The following ADGRL3 variants were observed in gnomAD, a reference collection of about 807,000 sequenced individuals.
ADGRL3 encodes adhesion G protein-coupled receptor L3.
Under a neutral mutation model 153.5 loss-of-function variants are expected in ADGRL3, and 62 were observed. That is an observed-to-expected ratio of 0.40 (90% CI 0.33 to 0.50). The LOEUF (loss-of-function observed/expected upper bound fraction) is 0.50, where lower values mean the gene tolerates loss of function less well. Among genes scored for constraint, ADGRL3 ranks in the 20% least tolerant of loss-of-function variants. The probability of loss-of-function intolerance (pLI) is 0.47; values close to 1 mark genes in which losing one functional copy is unlikely to be tolerated. For missense variants in ADGRL3, 1,641 were observed against 1,859.4 expected (o/e 0.88, Z 2.16); for synonymous variants, 710 against 672.5 (o/e 1.06, Z -0.86).
chr4:61,863,339 G>A (rs368441464), intron 9 of ADGRL3, among the ~76,000 whole-genome samples: 1 of 139,028 alleles, frequency 7.2e-6, no homozygotes, highest in East Asian at 2.3e-4. Flanking sequence ...CCGGGTTCAC[G>A]CCATTCTCCT....
intron 8 of ADGRL3, among the ~76,000 whole-genome samples, chr4:61,778,127 T>C: frequency 6.6e-6 from 1 of 152,214 alleles, no homozygotes; most frequent in East Asian, 1.9e-4. Flanking sequence ...ATGCACAAAA[T>C]TGTTAAGTAC....
At chr4:61,347,660 T>G (rs938086643) in intron 1 of ADGRL3, among the ~76,000 whole-genome samples, 2 of 140,534 alleles carry the variant, frequency 1.4e-5, no homozygotes, top group Non-Finnish European at 3.0e-5. Flanking sequence ...CCTAGAAAAC[T>G]GTGCATATGC....
intron 1 of ADGRL3, among the ~76,000 whole-genome samples, chr4:61,297,504 T>G (rs1356034557): frequency 6.6e-6 from 1 of 152,304 alleles, no homozygotes; most frequent in South Asian, 2.1e-4. Context: ...TGCATTATTT[T>G]TAGTTTTTGC....
chr4:61,213,287 C>T (rs1250890178), intron 1 of ADGRL3, among the ~76,000 whole-genome samples: 5 of 152,060 alleles, frequency 3.3e-5, no homozygotes, highest in Middle Eastern at 6.8e-3. Context: ...AATTCCTTGC[C>T]GGCTACTCTC....
At chr4:61,856,993 TTTCTTTCTTTCTTTCTTTCTTTCC>T in intron 9 of ADGRL3, among the ~76,000 whole-genome samples, 1 of 136,570 alleles carries the variant, frequency 7.3e-6, no homozygotes, top group African/African-American at 2.8e-5. Flanking sequence ...TCTTTCTTTC[TTTCTTTCTTTCTTTCTTTCTTTCC>T]TTCCTCCCTT....
chr4:61,370,887 G>T (rs1036880171), intron 1 of ADGRL3, among the ~76,000 whole-genome samples: 1 of 151,656 alleles, frequency 6.6e-6, no homozygotes, highest in African/African-American at 2.4e-5. Flanking sequence ...AGGTCACTCA[G>T]GACTTGCTTT....
At chr4:61,425,775 A>G (rs925029832) in intron 2 of ADGRL3, among the ~76,000 whole-genome samples, 1 of 152,204 alleles carries the variant, frequency 6.6e-6, no homozygotes, top group Admixed American at 6.5e-5. Context: ...GAGGCCATAT[A>G]TTAAATACCC....
intron 2 of ADGRL3, among the ~76,000 whole-genome samples, chr4:61,437,914 C>T (rs2097472340): frequency 6.6e-6 from 1 of 152,280 alleles, no homozygotes; most frequent in East Asian, 1.9e-4. Context: ...TTCCACTGGA[C>T]ATTAATGACA....
At chr4:61,220,439 TC>T (rs1459640606) in intron 1 of ADGRL3, among the ~76,000 whole-genome samples, 1 of 152,174 alleles carries the variant, frequency 6.6e-6, no homozygotes, top group Non-Finnish European at 1.5e-5. Context: ...TTCCTAAGTA[TC>T]ATTTTATGCT....
intron 5 of ADGRL3, among the ~76,000 whole-genome samples, chr4:61,675,856 G>A (rs1461593516): frequency 1.3e-5 from 2 of 151,660 alleles, no homozygotes; most frequent in African/African-American, 4.8e-5. Context: ...AATTACGTTT[G>A]ACTGTAGTCA....
At chr4:61,370,367 A>C (rs2096495822) in intron 1 of ADGRL3, among the ~76,000 whole-genome samples, 2 of 151,328 alleles carry the variant, frequency 1.3e-5, no homozygotes, top group African/African-American at 4.9e-5. Flanking sequence ...GTGGGCATGT[A>C]GTGCTATAAA....
At chr4:61,797,621 T>C (rs561512967) in intron 8 of ADGRL3, among the ~76,000 whole-genome samples, 1 of 152,316 alleles carries the variant, frequency 6.6e-6, no homozygotes, top group Non-Finnish European at 1.5e-5. Flanking sequence ...CATTTTCATG[T>C]TACCTTTTAT....
intron 8 of ADGRL3, among the ~76,000 whole-genome samples, chr4:61,798,999 GTATATA>G (rs34782885): frequency 0.042 from 3,398 of 80,658 alleles, 125 homozygotes; most frequent in African/African-American, 0.088. Flanking sequence ...TATATAAACA[GTATATA>G]TATATATATA....
At chr4:62,044,415 C>A in intron 24 of ADGRL3, 38 bp from the exon 25 acceptor site, 1 of 1,286,036 alleles carries the variant, frequency 7.8e-7, no homozygotes, top group Non-Finnish European at 1.1e-6. Context: ...TTCACTGCAT[C>A]ATGAGTTCAT....
intron 8 of ADGRL3, among the ~76,000 whole-genome samples, chr4:61,803,502 C>T (rs1020200350): frequency 5.9e-5 from 9 of 152,170 alleles, no homozygotes; most frequent in African/African-American, 1.7e-4. Context: ...CTTTCACTGA[C>T]GTCTCTCTCA....
At chr4:61,346,043 C>A (rs574734561) in intron 1 of ADGRL3, among the ~76,000 whole-genome samples, 1 of 152,044 alleles carries the variant, frequency 6.6e-6, no homozygotes, top group Non-Finnish European at 1.5e-5. Context: ...CTCCTGCGCT[C>A]ACGGCATGTA....
intron 2 of ADGRL3, among the ~76,000 whole-genome samples, chr4:61,418,221 A>T (rs2097165695): frequency 2.0e-5 from 3 of 152,218 alleles, no homozygotes. Context: ...TGGACAAAAT[A>T]TCATGTGTTC....
At chr4:61,481,134 A>G (rs2098127844) in intron 2 of ADGRL3, among the ~76,000 whole-genome samples, 1 of 152,234 alleles carries the variant, frequency 6.6e-6, no homozygotes, top group African/African-American at 2.4e-5. Context: ...TGACCTAATT[A>G]ATACAATGAC....
Position 61,895,740 on chromosome 4 carries a change from C to T in ADGRL3, c.1793C>T (p.Thr598Ile). 6.3e-7 allele frequency: 1 copy of T among 1,585,072 alleles called. No homozygotes were observed. Among genetic ancestry groups the T allele is most frequent in the Non-Finnish European group, 8.6e-7 (1 of 1,161,210 alleles). The change falls in exon 11 of 27, where the codon ACT (threonine) becomes ATT (isoleucine). Residue 598 changes from threonine (T) to isoleucine (I), a missense_variant. Transcript: ENST00000683033. ...TCTCTCATTATTACAGGTGTATCAACTTATCTATGCCTTGCTCCTGATGGA... is the reference window on the plus strand; with the variant it reads ...TCTCTCATTATTACAGGTGTATCAATTTATCTATGCCTTGCTCCTGATGGA... ...PCPAGTIGVS[T>I]YLCLAPDGIW...
Sources: gnomAD v4.1 joint callset for allele counts (sites outside exome capture counted in the v4.1 genomes callset) on GRCh38, gnomAD v4.1.1 for gene constraint, MANE v1.5 for transcripts, NCBI Gene and HGNC (gene_info 2026-07-23, HGNC 2026-07-21) for gene names.